The following RBPJ variants were observed in gnomAD, a reference collection of about 807,000 sequenced individuals.
RBPJ encodes recombining binding protein suppressor of hairless.
Under a neutral mutation model 67.8 loss-of-function variants are expected in RBPJ, and 9 were observed. That is an observed-to-expected ratio of 0.13 (90% CI 0.08 to 0.23). RBPJ has a LOEUF of 0.23. Among genes scored for constraint, RBPJ ranks in the 10% least tolerant of loss-of-function variants. The pLI is 1.00. For missense variants in RBPJ, 305 were observed against 595.6 expected, an observed-to-expected ratio of 0.51 and a Z score of 5.08; for synonymous variants, 198 against 203.3, an observed-to-expected ratio of 0.97 and a Z score of 0.22.
At chr4:26,348,729 G>A (rs548416986) in intron 1 of RBPJ, among the ~76,000 whole-genome samples, 1 of 151,814 alleles carries the variant, frequency 6.6e-6, no homozygotes, top group African/African-American at 2.4e-5. Flanking sequence ...TTTGAGACAA[G>A]GTCTCACTTT....
intron 1 of RBPJ, among the ~76,000 whole-genome samples, chr4:26,334,232 A>C (rs1170195297): frequency 6.6e-6 from 1 of 151,478 alleles, no homozygotes; most frequent in Admixed American, 6.6e-5. Context: ...GTAGAGGTGG[A>C]GTTTCACCAC....
At chr4:26,372,659 T>C (rs751788446) in intron 1 of RBPJ, among the ~76,000 whole-genome samples, 1 of 152,220 alleles carries the variant, frequency 6.6e-6, no homozygotes, top group Non-Finnish European at 1.5e-5. Context: ...TTCCCTCCTA[T>C]ACTAGTGTTT....
rs201295361 is a variant in RBPJ, at chr4:26,167,147, C to T, written c.-167+3533C>T. Among the ~76,000 whole-genome samples, 9 of 151,866 alleles carry T rather than the reference C, an allele frequency of 5.9e-5. No individual in the cohort carries two copies. The South Asian group carries it at 8.3e-4, about 14-fold the overall frequency. On this transcript the variant is annotated intron_variant, in intron 1 of 4. Transcript: ENST00000512351. ...TGTAGTATAGTTTGAAGTCAGGTAG[C>T]GTGATGCCTCCAGCTTTGTTCTTTT...
chr4:26,230,089 T>C (rs951867748), intron 1 of RBPJ, among the ~76,000 whole-genome samples: 5 of 149,886 alleles, frequency 3.3e-5, no homozygotes, highest in African/African-American at 9.9e-5. Context: ...ACTTGGGAGG[T>C]TGAGGTGGGA....
chr4:26,380,777 T>C (rs1730235162), intron 1 of RBPJ, among the ~76,000 whole-genome samples: 1 of 152,070 alleles, frequency 6.6e-6, no homozygotes, highest in Non-Finnish European at 1.5e-5. Context: ...TTTTAAAACT[T>C]CTCTCCAGCA....
chr4:26,229,450 C>G (rs796623971), intron 1 of RBPJ, among the ~76,000 whole-genome samples: 4 of 152,306 alleles, frequency 2.6e-5, no homozygotes, highest in African/African-American at 9.6e-5. Context: ...ACCCTCTGGT[C>G]TGTGCTGCTC....
the RBPJ span, among the ~76,000 whole-genome samples, chr4:26,157,859 G>GT: frequency 5.3e-5 from 8 of 152,156 alleles, no homozygotes; most frequent in Admixed American, 6.5e-5. Context: ...GTAACAACAG[G>GT]TTTTTTCCAG....
In RBPJ at chr4:26,170,180, A is replaced by G. The variant is rs550952884; in HGVS notation, c.-167+6566A>G. Among the ~76,000 whole-genome samples, 15 of 152,250 alleles carry G rather than the reference A, an allele frequency of 9.9e-5. No individual in the cohort carries two copies. In the South Asian group the frequency reaches 3.1e-3, roughly 32 times the overall value. On this transcript the variant is annotated intron_variant, in intron 1 of 4. Transcript: ENST00000512351. ...CGTCTTCTGCGTCGCTCACACTGGG[A>G]ACTGTAGACCGGAGCTGTTCCTATT...
At chr4:26,404,497 G>A (rs1733187776) in intron 2 of RBPJ, among the ~76,000 whole-genome samples, 1 of 152,112 alleles carries the variant, frequency 6.6e-6, no homozygotes, top group South Asian at 2.1e-4. Context: ...CTCTATCATT[G>A]TCAACCTTAT....
At chr4:26,362,620 G>C (rs1335353408) in intron 1 of RBPJ, 7 of 1,613,862 alleles carry the variant, frequency 4.3e-6, no homozygotes, top group Non-Finnish European at 5.9e-6. Context: ...CCATGGCGTG[G>C]ATTAAAAGGT....
At chr4:26,292,752 T>C (rs1219719404) in intron 1 of RBPJ, among the ~76,000 whole-genome samples, 1 of 150,590 alleles carries the variant, frequency 6.6e-6, no homozygotes, top group African/African-American at 2.4e-5. Flanking sequence ...TTCTATTGTG[T>C]ATGTATTAAA....
At chr4:26,127,573 A>G in the RBPJ span, among the ~76,000 whole-genome samples, 1 of 152,226 alleles carries the variant, frequency 6.6e-6, no homozygotes, top group Non-Finnish European at 1.5e-5. Context: ...GATGGAGTAT[A>G]TAAGTATGTA....
At position 26,189,572 on chromosome 4, in the gene RBPJ, C is replaced by T. The variant is rs112065459; in HGVS notation, c.-167+25958C>T. Reference sequence around the variant, plus strand: ...ACTTGAGAGGCTGAGGCAGGAGAATCGCTTGAACCCAGGAGGTGGAGGTTT... The same window carrying T: ...ACTTGAGAGGCTGAGGCAGGAGAATTGCTTGAACCCAGGAGGTGGAGGTTT... On this transcript the variant is annotated intron_variant, in intron 1 of 4. Coordinates refer to the RBPJ transcript ENST00000512351. Among the ~76,000 whole-genome samples the T allele has an allele frequency of 2.8e-3, 430 of 152,192 alleles. 1 individual carries two copies. The highest frequency in any genetic ancestry group is 0.01 in the Middle Eastern group (3 of 294).
chr4:26,299,572 C>T (rs1034871261), intron 1 of RBPJ, among the ~76,000 whole-genome samples: 9 of 150,736 alleles, frequency 6.0e-5, no homozygotes, highest in African/African-American at 1.7e-4. Context: ...AAAAGATTTT[C>T]GGCATATAAA....
In RBPJ at chr4:26,380,920, G is replaced by T. The variant is rs1029773072; in HGVS notation, c.21-5433G>T. ...AGTTTCACAACCCAAGGGCAAGTAGGGTGTCCCTGTGAGCTTGTTTTTTCA... is the reference window on the plus strand; with the variant it reads ...AGTTTCACAACCCAAGGGCAAGTAGTGTGTCCCTGTGAGCTTGTTTTTTCA... On this transcript the variant is annotated intron_variant, in intron 1 of 10. Transcript: ENST00000355476. 1.1e-4 allele frequency among the ~76,000 whole-genome samples: 16 copies of T among 150,996 alleles called. 1 individual carries two copies. The highest frequency in any genetic ancestry group is 3.9e-4 in the African/African-American group (16 of 41,084).
chr4:26,254,843 A>ATT (rs71643604), intron 1 of RBPJ, among the ~76,000 whole-genome samples: 483 of 16,550 alleles, frequency 0.029, 214 homozygotes, highest in East Asian at 0.053. Context: ...ATGCCCAGCT[A>ATT]TTTTTTTTTT....
intron 1 of RBPJ, among the ~76,000 whole-genome samples, chr4:26,306,074 C>T (rs968333967): frequency 6.6e-5 from 10 of 151,858 alleles, no homozygotes; most frequent in Non-Finnish European, 1.3e-4. Flanking sequence ...TGTAAGCCAC[C>T]GCACCTGGGC....
intron 1 of RBPJ, chr4:26,359,641 G>T (rs767635101): frequency 1.3e-5 from 2 of 152,108 alleles, no homozygotes; most frequent in Non-Finnish European, 2.9e-5. Context: ...CCCGGGGGAC[G>T]TGAGGTTCCC....
intron 1 of RBPJ, among the ~76,000 whole-genome samples, chr4:26,224,462 G>A (rs1560218351): frequency 6.6e-6 from 1 of 152,130 alleles, no homozygotes; most frequent in Non-Finnish European, 1.5e-5. Flanking sequence ...TTTCAACGTA[G>A]GTTCTTTTCT....
Sources: gnomAD v4.1 joint callset for allele counts (sites outside exome capture counted in the v4.1 genomes callset) on GRCh38, gnomAD v4.1.1 for gene constraint, MANE v1.5 for transcripts, NCBI Gene and HGNC (gene_info 2026-07-23, HGNC 2026-07-21) for gene names.